ARHGEF10L: variants seen among roughly 807,000 people sequenced by gnomAD.
The protein encoded by ARHGEF10L is Rho guanine nucleotide exchange factor 10 like, also known as rho guanine nucleotide exchange factor 10-like protein.
Under a neutral mutation model 141.2 loss-of-function variants are expected in ARHGEF10L, and 69 were observed. That is an observed-to-expected ratio of 0.49 (90% CI 0.40 to 0.60). The LOEUF (loss-of-function observed/expected upper bound fraction) is 0.60, where lower values mean the gene tolerates loss of function less well. Ranked by LOEUF, ARHGEF10L falls within the 20% of genes least tolerant of loss-of-function variation. The pLI is 0.00. For synonymous variants in ARHGEF10L, 711 were observed against 718.5 expected, an observed-to-expected ratio of 0.99 and a Z score of 0.17; for missense variants, 1,482 against 1,734.3, an observed-to-expected ratio of 0.85 and a Z score of 2.58.
chr1:17,622,965 G>T lies in ARHGEF10L; in HGVS notation c.1021-31G>T, dbSNP rs1206586515. 3 of 1,595,194 alleles carry T rather than the reference G, an allele frequency of 1.9e-6. No homozygotes were observed. In the African/African-American group the frequency reaches 4.0e-5, roughly 21 times the overall value. On this transcript the variant is annotated intron_variant, in intron 11 of 28. Transcript: ENST00000361221. ...AGGTAGGGAGAGAGGCTGCGGCCTG[G>T]CCTGCGGCCTCACCCCGCCCTCCCC... is the stretch of plus-strand genomic sequence containing the variant.
intron 1 of ARHGEF10L, among the ~76,000 whole-genome samples, chr1:17,566,760 C>A (rs1015141827): frequency 6.6e-6 from 1 of 152,206 alleles, no homozygotes; most frequent in Non-Finnish European, 1.5e-5. Context: ...TATTCTCCTT[C>A]ACCTCACAGC....
At chr1:17,602,240 C>G (rs1485670340) in intron 5 of ARHGEF10L, 22 bp downstream of exon 5, 3 of 1,552,746 alleles carry the variant, frequency 1.9e-6, no homozygotes, top group Non-Finnish European at 2.6e-6. Flanking sequence ...CTCCGGCCCA[C>G]CGCCCACCCC....
At chr1:17,680,095 T>C (rs2063999487) in intron 26 of ARHGEF10L, among the ~76,000 whole-genome samples, 1 of 141,212 alleles carries the variant, frequency 7.1e-6, no homozygotes, top group African/African-American at 2.6e-5. Flanking sequence ...GCCCCTGCCC[T>C]GCCCTGCCCC....
At chr1:17,528,561 C>G in the ARHGEF10L span, among the ~76,000 whole-genome samples, 1 of 152,046 alleles carries the variant, frequency 6.6e-6, no homozygotes, top group Non-Finnish European at 1.5e-5. Context: ...ATCCATCCAT[C>G]CATCCAGCCA....
At chr1:17,652,263 T>C (rs561060802) in intron 22 of ARHGEF10L, among the ~76,000 whole-genome samples, 4 of 152,066 alleles carry the variant, frequency 2.6e-5, no homozygotes, top group Non-Finnish European at 5.9e-5. Flanking sequence ...AGTAGGTCTC[T>C]TGTCTGTGCT....
chr1:17,647,488 C>T (rs968046822), intron 21 of ARHGEF10L, among the ~76,000 whole-genome samples: 8 of 152,118 alleles, frequency 5.3e-5, no homozygotes, highest in Non-Finnish European at 8.8e-5. Context: ...AGGGATCCTC[C>T]GCAGGGAGAA....
intron 26 of ARHGEF10L, among the ~76,000 whole-genome samples, chr1:17,668,884 C>T (rs536545735): frequency 1.2e-4 from 19 of 152,270 alleles, no homozygotes; most frequent in African/African-American, 4.3e-4. Flanking sequence ...GAAATGGCTC[C>T]GTCTGGTTGC....
Position 17,580,752 on chromosome 1 carries a change from T to C in ARHGEF10L, c.37+120T>C, listed in dbSNP as rs1034311909. On this transcript the variant is annotated intron_variant, in intron 2 of 28. Coordinates refer to ENST00000361221, the MANE Select transcript of ARHGEF10L (RefSeq NM_018125.4). ...CGGGTGGGAAGTCTGCTCTGCTGGCTGCTGGCCCTGCCTGGGCCGCATCCT... is the reference window on the plus strand; with the variant it reads ...CGGGTGGGAAGTCTGCTCTGCTGGCCGCTGGCCCTGCCTGGGCCGCATCCT... The C allele has an allele frequency of 1.2e-5, 15 of 1,204,218 alleles. No homozygotes were observed. The African/African-American group carries it at 1.7e-4, about 13-fold the overall frequency. 74.6% of individuals were successfully genotyped at this position (1,204,218 alleles called of 1,614,324 possible). A position where few individuals can be genotyped will look rare whatever the true frequency, so the allele number is the denominator to read the frequency against.
At chr1:17,529,824 CTTTTTTTTTTTTTT>C in the ARHGEF10L span, among the ~76,000 whole-genome samples, 1 of 67,190 alleles carries the variant, frequency 1.5e-5, no homozygotes, top group South Asian at 7.0e-4. Context: ...ACACATCAGT[CTTTTTTTTTTTTTT>C]TTTTTTTTTT....
At chr1:17,659,828 A>G (rs1193025004) in intron 25 of ARHGEF10L, among the ~76,000 whole-genome samples, 4 of 152,226 alleles carry the variant, frequency 2.6e-5, no homozygotes, top group African/African-American at 9.6e-5. Context: ...GACCAGACAC[A>G]TATAGGTCTG....
At chr1:17,592,131 C>T (rs550392094) in intron 4 of ARHGEF10L, among the ~76,000 whole-genome samples, 4 of 152,264 alleles carry the variant, frequency 2.6e-5, no homozygotes, top group African/African-American at 4.8e-5. Context: ...CCCTGAGTAC[C>T]CAGCAGTGCC....
At chr1:17,539,136 C>T (rs750765439), upstream of ARHGEF10L, among the ~76,000 whole-genome samples, 4 of 151,954 alleles carry the variant, frequency 2.6e-5, no homozygotes, top group Non-Finnish European at 5.9e-5. The surrounding 1 kb of genome is among the most constrained non-coding windows in gnomAD (Gnocchi z 6.0). Flanking sequence ...TTGCCGGTCT[C>T]AAAGCCGTCA....
At chr1:17,635,537 C>T (rs1282292617) in intron 18 of ARHGEF10L, among the ~76,000 whole-genome samples, 1 of 152,248 alleles carries the variant, frequency 6.6e-6, no homozygotes, top group African/African-American at 2.4e-5. Flanking sequence ...CCCACCACGC[C>T]CTCTCCAGCC....
chr1:17,560,782 C>T (rs761892901), intron 1 of ARHGEF10L, among the ~76,000 whole-genome samples: 9 of 152,202 alleles, frequency 5.9e-5, no homozygotes, highest in Non-Finnish European at 1.3e-4. Flanking sequence ...TCAGGCTGGT[C>T]TCGAACTCCT....
rs2059989956 is a variant in ARHGEF10L at position 17,619,484 on chromosome 1, A to G, written c.942+39A>G. ...TGGGGCAGGTGGGGGTCTGCAGGGG[A>G]AGGGGTGGCTTGGGGGTTCCAGCCT... On this transcript the variant is annotated intron_variant, in intron 10 of 28. Coordinates refer to ENST00000361221, the MANE Select transcript of ARHGEF10L (RefSeq NM_018125.4). The surrounding 1 kb of genome is among the most constrained non-coding windows in gnomAD (Gnocchi z 5.0). 6.8e-7 allele frequency: 1 copy of G among 1,465,018 alleles called. No homozygotes were observed. Among genetic ancestry groups the G allele is most frequent in the Non-Finnish European group, 9.3e-7 (1 of 1,080,120 alleles). The allele number at this position is 1,465,018 out of a possible 1,614,324, so 90.8% of individuals were successfully genotyped here.
At chr1:17,581,184 C>T (rs1318967639) in intron 2 of ARHGEF10L, among the ~76,000 whole-genome samples, 3 of 151,486 alleles carry the variant, frequency 2.0e-5, no homozygotes, top group African/African-American at 7.3e-5. Flanking sequence ...TATGGTGTGG[C>T]ACTTGTAATC....
chr1:17,674,519 C>G (rs1386835660), intron 26 of ARHGEF10L, among the ~76,000 whole-genome samples: 1 of 152,196 alleles, frequency 6.6e-6, no homozygotes. Flanking sequence ...CCGAGGAGCC[C>G]AGGAAGGAAC....
chr1:17,561,911 G>A (rs901956228), intron 1 of ARHGEF10L, among the ~76,000 whole-genome samples: 2 of 152,176 alleles, frequency 1.3e-5, no homozygotes, highest in Non-Finnish European at 2.9e-5. Flanking sequence ...AGGTTCCAAG[G>A]GAGGCCGAGC....
At chr1:17,635,394 C>T (rs910146198) in intron 18 of ARHGEF10L, among the ~76,000 whole-genome samples, 1 of 152,198 alleles carries the variant, frequency 6.6e-6, no homozygotes, top group Middle Eastern at 3.2e-3. Flanking sequence ...GATCAGTGCA[C>T]GTCATCCCGC....
Sources: gnomAD v4.1 joint callset for allele counts (sites outside exome capture counted in the v4.1 genomes callset) on GRCh38, gnomAD v4.1.1 for gene constraint, Gnocchi (gnomAD v3.1) non-coding constraint, MANE v1.5 for transcripts, NCBI Gene and HGNC (gene_info 2026-07-23, HGNC 2026-07-21) for gene names.